Variants in BCAS3 observed in about 807,000 individuals in gnomAD.
BCAS3 encodes the protein BCAS4/BCAS3 fusion.
In BCAS3, 53 loss-of-function variants were observed where a neutral mutation model predicts 116.1. That is an observed-to-expected ratio of 0.46 (90% confidence interval 0.37 to 0.57). The LOEUF (loss-of-function observed/expected upper bound fraction) is 0.57. BCAS3 is among the 20% of genes least tolerant of loss of function. The probability of loss-of-function intolerance (pLI) is 0.00; values close to 1 mark genes in which losing one functional copy is unlikely to be tolerated. For missense variants in BCAS3, 917 were observed against 1,165.4 expected, an observed-to-expected ratio of 0.79 and a Z score of 3.10; for synonymous variants, 391 against 408.2, an observed-to-expected ratio of 0.96 and a Z score of 0.51.
intron 7 of BCAS3, among the ~76,000 whole-genome samples, chr17:60,825,725 A>C (rs2050353376): frequency 2.6e-5 from 4 of 151,700 alleles, no homozygotes; most frequent in Admixed American, 2.6e-4. Context: ...AGGGCAAAAA[A>C]GGGCCTAGGG....
intron 3 of BCAS3, among the ~76,000 whole-genome samples, chr17:60,687,534 G>A (rs1051771975): frequency 6.6e-6 from 1 of 152,204 alleles, no homozygotes; most frequent in Non-Finnish European, 1.5e-5. Context: ...AGCCCAGGAG[G>A]CGGAGGTTGC....
At chr17:60,838,254 A>G (rs971850600) in intron 7 of BCAS3, among the ~76,000 whole-genome samples, 8 of 152,226 alleles carry the variant, frequency 5.3e-5, no homozygotes, top group African/African-American at 1.9e-4. Flanking sequence ...ATTTAAGGTA[A>G]AAATTAAGAA....
At chr17:61,320,664 A>G (rs1160699664) in intron 22 of BCAS3, among the ~76,000 whole-genome samples, 1 of 150,990 alleles carries the variant, frequency 6.6e-6, no homozygotes, top group Admixed American at 6.6e-5. Context: ...CGACAGAGCG[A>G]GACTCTGTCT....
At chr17:61,225,820 T>C (rs1036635982) in intron 22 of BCAS3, among the ~76,000 whole-genome samples, 3 of 152,206 alleles carry the variant, frequency 2.0e-5, no homozygotes, top group African/African-American at 7.2e-5. Flanking sequence ...CCTAAAATCT[T>C]AGTGATGTAG....
intron 22 of BCAS3, among the ~76,000 whole-genome samples, chr17:61,329,498 G>A (rs1466369441): frequency 1.1e-4 from 16 of 151,772 alleles, no homozygotes; most frequent in African/African-American, 3.1e-4. Flanking sequence ...CCGCCACCAC[G>A]CCCGGCTAAT....
chr17:61,281,731 ATATT>A lies in BCAS3; in HGVS notation c.2426-86595_2426-86592del, dbSNP rs1176580937. Among the ~76,000 whole-genome samples the A allele has an allele frequency of 6.6e-6, 1 of 152,090 alleles. No homozygotes were observed. Among genetic ancestry groups the A allele is most frequent in the African/African-American group, 2.4e-5 (1 of 41,446 alleles). Reference sequence around the variant, plus strand: ...TAAGCAAATTAGCACTCTATCATATATATTATAAATATTTTTCCAAGTTTGTCAG... The same window carrying A: ...TAAGCAAATTAGCACTCTATCATATAATAAATATTTTTCCAAGTTTGTCAG... On this transcript the variant is annotated intron_variant, in intron 22 of 23. Coordinates refer to ENST00000407086, the MANE Select transcript of BCAS3 (RefSeq NM_017679.5). The surrounding 1 kb of genome is among the most constrained non-coding windows in gnomAD (Gnocchi z 4.2).
At chr17:61,176,164 A>AAAAAGG (rs1568511306) in intron 22 of BCAS3, among the ~76,000 whole-genome samples, 1 of 149,628 alleles carries the variant, frequency 6.7e-6, no homozygotes, top group African/African-American at 2.4e-5. Flanking sequence ...AAAAAAAAGA[A>AAAAAGG]AAAGAAAAAG....
intron 7 of BCAS3, among the ~76,000 whole-genome samples, chr17:60,850,191 C>T (rs928600688): frequency 3.3e-5 from 5 of 151,974 alleles, no homozygotes; most frequent in African/African-American, 7.3e-5. Context: ...TATTAAGTTT[C>T]ACCCCTTGAG....
At chr17:61,340,532 G>A (rs567079633) in intron 22 of BCAS3, among the ~76,000 whole-genome samples, 1 of 152,278 alleles carries the variant, frequency 6.6e-6, no homozygotes, top group Non-Finnish European at 1.5e-5. Context: ...AGCACTGGAG[G>A]GCAGCATTAA....
chr17:60,822,256 T>G (rs2050029406), intron 7 of BCAS3, among the ~76,000 whole-genome samples: 1 of 152,230 alleles, frequency 6.6e-6, no homozygotes, highest in Admixed American at 6.5e-5. Flanking sequence ...ACATTGTCAG[T>G]CTATTTTATT....
At chr17:60,915,599 A>T (rs1210181643) in intron 12 of BCAS3, among the ~76,000 whole-genome samples, 1 of 151,684 alleles carries the variant, frequency 6.6e-6, no homozygotes. Context: ...TACATTATGT[A>T]ATATTTTAAG....
At chr17:61,350,073 A>G (rs1267442119) in intron 22 of BCAS3, among the ~76,000 whole-genome samples, 1 of 152,210 alleles carries the variant, frequency 6.6e-6, no homozygotes, top group Admixed American at 6.5e-5. Context: ...AAACTCAGGA[A>G]TGTGCCTCTA....
chr17:61,023,351 G>C lies in BCAS3; in HGVS notation c.1637+7450G>C, dbSNP rs768383115. Among the ~76,000 whole-genome samples the C allele has an allele frequency of 6.6e-6, 1 of 152,140 alleles. No homozygotes were observed. The highest frequency in any genetic ancestry group is 1.5e-5 in the Non-Finnish European group (1 of 68,014). On this transcript the variant is annotated intron_variant, in intron 16 of 23. Coordinates refer to ENST00000407086, the MANE Select transcript of BCAS3 (RefSeq NM_017679.5). This position sits in a 1 kb window ranked among gnomAD's most constrained non-coding sequence, Gnocchi z 4.8. The stretch of plus-strand genomic sequence containing the variant: ...TTTATATGGGCTCATTCTGATGTCT[G>C]TTCTGTGGCAGTGCCTGAATTGTCT...
intron 5 of BCAS3, among the ~76,000 whole-genome samples, chr17:60,719,072 A>AAAAC (rs1020205367): frequency 6.6e-6 from 1 of 152,206 alleles, no homozygotes; most frequent in African/African-American, 2.4e-5. Flanking sequence ...AAAAAAAACA[A>AAAAC]AAACAAACAA....
At chr17:61,192,836 A>C (rs1309860489) in intron 22 of BCAS3, among the ~76,000 whole-genome samples, 1 of 152,266 alleles carries the variant, frequency 6.6e-6, no homozygotes, top group African/African-American at 2.4e-5. Context: ...TTCATATTAT[A>C]ATTTACTTAC....
At chr17:61,153,802 T>C (rs2077675387) in intron 22 of BCAS3, among the ~76,000 whole-genome samples, 1 of 152,234 alleles carries the variant, frequency 6.6e-6, no homozygotes, top group Non-Finnish European at 1.5e-5. Context: ...ACAGCAGTCA[T>C]ATTAGGATTC....
chr17:60,897,865 GC>G (rs548304621), intron 10 of BCAS3, among the ~76,000 whole-genome samples: 265 of 151,712 alleles, frequency 1.7e-3, no homozygotes, highest in African/African-American at 6.2e-3. Flanking sequence ...ACAGATGTGT[GC>G]CACCACACCA....
At chr17:60,805,947 C>G (rs1329752838) in intron 6 of BCAS3, among the ~76,000 whole-genome samples, 1 of 149,596 alleles carries the variant, frequency 6.7e-6, no homozygotes, top group African/African-American at 2.5e-5. Context: ...ACTGTAACCT[C>G]TGCCTCCTGG....
At chr17:60,861,171 C>T (rs538406560) in intron 7 of BCAS3, among the ~76,000 whole-genome samples, 3 of 152,066 alleles carry the variant, frequency 2.0e-5, no homozygotes, top group Non-Finnish European at 4.4e-5. Flanking sequence ...CTTTTTTCAG[C>T]AGCATTTTGT....
Sources: gnomAD v4.1 joint callset for allele counts (sites outside exome capture counted in the v4.1 genomes callset) on GRCh38, gnomAD v4.1.1 for gene constraint, Gnocchi (gnomAD v3.1) non-coding constraint, MANE v1.5 for transcripts, NCBI Gene and HGNC (gene_info 2026-07-23, HGNC 2026-07-21) for gene names.